LATS2: variants seen among roughly 807,000 people sequenced by gnomAD.
LATS2 encodes serine/threonine-protein kinase LATS2.
LATS2 carries 24 observed loss-of-function variants against 76.0 expected under a neutral mutation model. The ratio of observed to expected loss-of-function variants is 0.32; its 90% CI spans 0.23 to 0.44. LATS2 has a LOEUF of 0.44. Ranked by LOEUF, LATS2 falls within the 20% of genes least tolerant of loss-of-function variation. LATS2 has a pLI of 1.00. For missense variants in LATS2, 1,286 were observed against 1,481.2 expected, an observed-to-expected ratio of 0.87 and a Z score of 2.16; for synonymous variants, 692 against 635.4, an observed-to-expected ratio of 1.09 and a Z score of -1.34.
At position 20,974,843 on chromosome 13, in the gene LATS2, C is replaced by T. The variant is rs760418287; in HGVS notation, c.*27G>A. 6.3e-6 allele frequency: 10 copies of T among 1,576,340 alleles called. No individual in the cohort carries two copies. The South Asian group carries it at 9.4e-5, about 15-fold the overall frequency. On this transcript the variant is annotated 3_prime_UTR_variant, in exon 8 of 8. Coordinates refer to ENST00000382592, the MANE Select transcript of LATS2 (RefSeq NM_014572.3). The stretch of plus-strand genomic sequence containing the variant: ...TCCGGGACCCTGACCTGGGAGGCAG[C>T]GAGTGGTGGGGGTGCCTGGCCCCCA...
intron 4 of LATS2, among the ~76,000 whole-genome samples, chr13:20,985,085 T>C (rs1870081348): frequency 6.6e-6 from 1 of 152,178 alleles, no homozygotes; most frequent in Non-Finnish European, 1.5e-5. Flanking sequence ...GATATCCATA[T>C]GCAGAAGAAT....
rs1268144053 is a variant in LATS2 at position 20,975,148 on chromosome 13, T to C, written c.2989A>G (p.Met997Val). The C allele has an allele frequency of 4.3e-6, 7 of 1,614,136 alleles. No homozygotes were observed. Among genetic ancestry groups the C allele is most frequent in the Admixed American group, 1.7e-5 (1 of 60,010 alleles). The change falls in exon 8 of 8, where the codon ATG (methionine) becomes GTG (valine). Residue 997 changes from methionine (M) to valine (V), a missense_variant. By Grantham distance (21) the Met-to-Val change is conservative (BLOSUM62 1). Transcript: ENST00000382592. Reference protein sequence around the residue: ...APYVPTISHPMDTSNFDPVDE... With the variant: ...APYVPTISHPVDTSNFDPVDE... ...ACGGGGTCGAAATTCGAGGTGTCCA[T>C]GGGGTGGCTGATGGTGGGAACGTAG... is the stretch of plus-strand genomic sequence containing the variant.
chr13:21,040,073 C>CAA (rs930634193), intron 2 of LATS2, among the ~76,000 whole-genome samples: 10 of 123,854 alleles, frequency 8.1e-5, no homozygotes, highest in Non-Finnish European at 1.5e-4. Flanking sequence ...AACTCCATCT[C>CAA]AAAAAAAAAA....
intron 4 of LATS2, among the ~76,000 whole-genome samples, chr13:20,986,311 C>T (rs1870141538): frequency 6.6e-6 from 1 of 152,154 alleles, no homozygotes; most frequent in Non-Finnish European, 1.5e-5. Context: ...CAAAGGGATA[C>T]CTGCACCCCA....
intron 2 of LATS2, among the ~76,000 whole-genome samples, chr13:21,003,283 A>G (rs1871124132): frequency 6.6e-6 from 1 of 152,030 alleles, no homozygotes; most frequent in South Asian, 2.1e-4. Context: ...GTCTTGCTCT[A>G]TCGCTCAGAG....
chr13:21,011,657 A>ACC (rs565558766), intron 2 of LATS2, among the ~76,000 whole-genome samples: 166 of 152,336 alleles, frequency 1.1e-3, no homozygotes, highest in Middle Eastern at 6.8e-3. Context: ...CTGACTCTGG[A>ACC]AAATATAGGG....
rs747638434 is a variant in LATS2 at position 20,988,608 on chromosome 13, C to T, written c.1172G>A (p.Arg391His). ...GTCAGGCCGGAAGGCCACGTGCGCG[C>T]GCGGCGGCGCCTCCAGGCCCGGCTT... is the stretch of plus-strand genomic sequence containing the variant. ...LQKPGLEAPP[R>H]AHVAFRPDCP... The change falls in exon 4 of 8, where the codon CGC (arginine) becomes CAC (histidine). Residue 391 changes from arginine to histidine, a missense_variant. By Grantham distance (29) the Arg-to-His change is conservative. Transcript: ENST00000382592. 1.9e-6 allele frequency: 3 copies of T among 1,588,944 alleles called. No homozygotes were observed. The highest frequency in any genetic ancestry group is 4.5e-5 in the East Asian group (2 of 44,406).
intron 3 of LATS2, among the ~76,000 whole-genome samples, chr13:20,990,750 A>G (rs1191963045): frequency 6.6e-6 from 1 of 152,092 alleles, no homozygotes; most frequent in Non-Finnish European, 1.5e-5. Context: ...GCCAGTAAAA[A>G]GCAGGGGTTT....
intron 2 of LATS2, among the ~76,000 whole-genome samples, chr13:21,043,302 A>G (rs1192779691): frequency 2.0e-5 from 3 of 151,890 alleles, no homozygotes; most frequent in African/African-American, 4.8e-5. Context: ...ACGCCACCAC[A>G]CTCCAGCCTG....
intron 2 of LATS2, among the ~76,000 whole-genome samples, chr13:21,032,564 C>G (rs914022509): frequency 6.6e-6 from 1 of 152,172 alleles, no homozygotes; most frequent in Admixed American, 6.5e-5. Context: ...CTGCACCCAG[C>G]CTTTTTTTTT....
chr13:20,979,772 C>T lies in LATS2; in HGVS notation c.2691G>A (p.Trp897Ter). Reference sequence around the variant, plus strand: ...TCTCGAAGAGAATCACTCCAACACTCCACCAGTCACAGAGTTGAGTGTACC... The same window carrying T: ...TCTCGAAGAGAATCACTCCAACACTTCACCAGTCACAGAGTTGAGTGTACC... ...RKGYTQLCDW[W>*]SVGVILFEML... Residue 897 changes from tryptophan to a stop codon, truncating the protein, a stop_gained, in exon 7 of 8, where the codon TGG (tryptophan) becomes TGA (stop). Transcript: ENST00000382592. LOFTEE classifies it high-confidence loss of function. 1 of 1,611,012 alleles carries T rather than the reference C, an allele frequency of 6.2e-7. No individual in the cohort carries two copies. The highest frequency in any genetic ancestry group is 8.5e-7 in the Non-Finnish European group (1 of 1,177,616).
intron 6 of LATS2, among the ~76,000 whole-genome samples, chr13:20,981,043 T>C (rs971055512): frequency 6.6e-6 from 1 of 152,208 alleles, no homozygotes; most frequent in African/African-American, 2.4e-5. Flanking sequence ...CTTCCAACGC[T>C]GTCACATAAG....
chr13:20,993,155 C>T (rs1314403170), intron 2 of LATS2, among the ~76,000 whole-genome samples: 1 of 152,226 alleles, frequency 6.6e-6, no homozygotes, highest in Middle Eastern at 3.4e-3. Flanking sequence ...CACAGAGCCA[C>T]TCCGCAGAGA....
chr13:21,030,115 T>C (rs1473381035), intron 2 of LATS2, among the ~76,000 whole-genome samples: 1 of 149,526 alleles, frequency 6.7e-6, no homozygotes, highest in African/African-American at 2.5e-5. Context: ...AGAGCTAGAC[T>C]CTACTTCAAA....
chr13:21,042,496 TG>T (rs1212934668), intron 2 of LATS2, among the ~76,000 whole-genome samples: 8 of 152,156 alleles, frequency 5.3e-5, no homozygotes, highest in Non-Finnish European at 2.9e-5. Flanking sequence ...CAGTCCAGCC[TG>T]GGTAACATAG....
chr13:21,060,568 C>T (rs918447311), intron 1 of LATS2, among the ~76,000 whole-genome samples: 11 of 152,184 alleles, frequency 7.2e-5, no homozygotes, highest in East Asian at 5.8e-4. Flanking sequence ...GGAACGGCGC[C>T]CCCAGGGTCC....
At chr13:20,995,572 G>A (rs1870716639) in intron 2 of LATS2, among the ~76,000 whole-genome samples, 1 of 152,206 alleles carries the variant, frequency 6.6e-6, no homozygotes, top group African/African-American at 2.4e-5. Context: ...GTTAGACTGT[G>A]ACATAGGATA....
intron 1 of LATS2, among the ~76,000 whole-genome samples, chr13:21,047,746 ATG>A (rs948632722): frequency 1.2e-4 from 18 of 151,990 alleles, no homozygotes; most frequent in African/African-American, 4.3e-4. Context: ...CAGCCTTACT[ATG>A]TGTCAGGTGC....
intron 1 of LATS2, among the ~76,000 whole-genome samples, chr13:21,050,579 T>C (rs1380230984): frequency 1.2e-4 from 19 of 152,232 alleles, no homozygotes; most frequent in Admixed American, 1.2e-3. Flanking sequence ...TATCCCCTTG[T>C]ATGAATACAC....
Sources: allele counts gnomAD v4.1 joint callset (sites outside exome capture counted in the v4.1 genomes callset), GRCh38; gene constraint gnomAD v4.1.1; transcripts MANE v1.5; gene names NCBI Gene and HGNC (gene_info 2026-07-23, HGNC 2026-07-21).